The following ZBTB16 variants were observed in gnomAD, a reference collection of about 807,000 sequenced individuals.
ZBTB16 encodes the protein zinc finger and BTB domain-containing protein 16.
ZBTB16 carries 8 observed loss-of-function variants against 56.8 expected under a neutral mutation model. The observed-to-expected ratio is 0.14, with a 90% CI of 0.08 to 0.25. ZBTB16 has a LOEUF of 0.25. Among genes scored for constraint, ZBTB16 ranks in the 10% least tolerant of loss-of-function variants. The pLI is 1.00. For synonymous variants in ZBTB16, 363 were observed against 368.5 expected, an observed-to-expected ratio of 0.98 and a Z score of 0.17; for missense variants, 625 against 903.0, an observed-to-expected ratio of 0.69 and a Z score of 3.95.
chr11:114,095,620 T>C lies in ZBTB16; in HGVS notation c.1268+31052T>C, dbSNP rs916738281. ...AAAGAGACATGCAAACAAGGCAGAA[T>C]TGGGACCTTTGCAAGAAGACCTTCT... On this transcript the variant is annotated intron_variant, in intron 2 of 6. Transcript: ENST00000335953. 2.6e-5 allele frequency among the ~76,000 whole-genome samples: 4 copies of C among 152,316 alleles called. No individual in the cohort carries two copies. In the South Asian group the frequency reaches 8.3e-4, roughly 32 times the overall value.
chr11:114,163,515 T>A (rs1942654136), intron 3 of ZBTB16, among the ~76,000 whole-genome samples: 1 of 151,998 alleles, frequency 6.6e-6, no homozygotes, highest in African/African-American at 2.4e-5. Flanking sequence ...GGCAGATAAA[T>A]CCCCCACGTA....
rs915504933 is a variant in ZBTB16 at position 114,255,041 on chromosome 11, A to G, written c.*4486A>G. 2.6e-5 allele frequency among the ~76,000 whole-genome samples: 4 copies of G among 152,210 alleles called. No individual in the cohort carries two copies. The highest frequency in any genetic ancestry group is 6.5e-5 in the Admixed American group (1 of 15,286). Reference sequence around the variant, plus strand: ...AGGATTTGTTCACATAGTGTTATGCATGATCTTCGTAAGGTTAAGAAGCCG... The same window carrying G: ...AGGATTTGTTCACATAGTGTTATGCGTGATCTTCGTAAGGTTAAGAAGCCG... On this transcript the variant is annotated 3_prime_UTR_variant, in exon 7 of 7. Coordinates refer to ENST00000335953, the MANE Select transcript of ZBTB16 (RefSeq NM_006006.6).
intron 2 of ZBTB16, among the ~76,000 whole-genome samples, chr11:114,123,322 C>G (rs238898): frequency 0.086 from 13,013 of 152,086 alleles, 664 homozygotes; most frequent in African/African-American, 0.12. Flanking sequence ...TTGGCTCCCC[C>G]AGAAGGAGAC....
At chr11:114,100,422 C>A (rs1370494421) in intron 2 of ZBTB16, among the ~76,000 whole-genome samples, 5 of 152,162 alleles carry the variant, frequency 3.3e-5, no homozygotes, top group African/African-American at 9.7e-5. Context: ...TAAAAATATT[C>A]TTTCCTTACC....
At chr11:114,148,783 G>A (rs187951430) in intron 2 of ZBTB16, among the ~76,000 whole-genome samples, 8 of 151,990 alleles carry the variant, frequency 5.3e-5, no homozygotes, top group South Asian at 2.1e-4. Context: ...GTGAGCCACC[G>A]CGCCCGCCTG....
At chr11:114,089,469 A>G (rs1187690590) in intron 2 of ZBTB16, among the ~76,000 whole-genome samples, 1 of 151,696 alleles carries the variant, frequency 6.6e-6, no homozygotes, top group Non-Finnish European at 1.5e-5. Context: ...CTTTTTTTCT[A>G]CCCCAGTACC....
chr11:114,119,547 G>A (rs937158263), intron 2 of ZBTB16, among the ~76,000 whole-genome samples: 1 of 152,120 alleles, frequency 6.6e-6, no homozygotes, highest in Non-Finnish European at 1.5e-5. Context: ...AGTACGACAG[G>A]TGCTGTGTTT....
intron 3 of ZBTB16, among the ~76,000 whole-genome samples, chr11:114,186,690 G>A (rs367903659): frequency 6.6e-6 from 1 of 152,022 alleles, no homozygotes; most frequent in Admixed American, 6.6e-5. Flanking sequence ...ATCTAACTTG[G>A]AACCCATTTC....
At position 114,251,991 on chromosome 11, in the gene ZBTB16, A is replaced by T. The variant is rs943382643; in HGVS notation, c.*1436A>T. 1.3e-5 allele frequency among the ~76,000 whole-genome samples: 2 copies of T among 152,030 alleles called. No individual in the cohort carries two copies. Among genetic ancestry groups the T allele is most frequent in the African/African-American group, 4.8e-5 (2 of 41,370 alleles). On this transcript the variant is annotated 3_prime_UTR_variant, in exon 7 of 7. Coordinates refer to ENST00000335953, the MANE Select transcript of ZBTB16 (RefSeq NM_006006.6). The stretch of plus-strand genomic sequence containing the variant: ...CTTGTGTAAATTAATAGTTGTTTTT[A>T]TAGACTTCAGCTGGTCAAGACCCTC...
At chr11:114,192,916 C>G (rs959439588) in intron 4 of ZBTB16, among the ~76,000 whole-genome samples, 1 of 152,222 alleles carries the variant, frequency 6.6e-6, no homozygotes, top group Non-Finnish European at 1.5e-5. Flanking sequence ...CAGCTGCCCT[C>G]TCAGCCAGGG....
At chr11:114,141,109 A>T (rs1452697089) in intron 2 of ZBTB16, among the ~76,000 whole-genome samples, 1 of 152,164 alleles carries the variant, frequency 6.6e-6, no homozygotes. Context: ...CACTGTGGAT[A>T]AGCCAGGCCA....
At chr11:114,077,876 A>T (rs1163578139) in intron 2 of ZBTB16, among the ~76,000 whole-genome samples, 1 of 152,242 alleles carries the variant, frequency 6.6e-6, no homozygotes, top group Non-Finnish European at 1.5e-5. Context: ...TGCTATTTGC[A>T]TAAGAGGTTG....
chr11:114,194,723 CACAT>C (rs1336077288), intron 4 of ZBTB16, among the ~76,000 whole-genome samples: 1 of 152,226 alleles, frequency 6.6e-6, no homozygotes, highest in Admixed American at 6.5e-5. Flanking sequence ...TGAGAAAACA[CACAT>C]ACGTGCACGT....
At chr11:114,226,861 C>G (rs770650018) in intron 4 of ZBTB16, among the ~76,000 whole-genome samples, 1 of 152,136 alleles carries the variant, frequency 6.6e-6, no homozygotes, top group Non-Finnish European at 1.5e-5. Context: ...GGGCAATGTG[C>G]TCTTTTATTT....
chr11:114,081,711 G>T (rs1447514592), intron 2 of ZBTB16, among the ~76,000 whole-genome samples: 1 of 152,120 alleles, frequency 6.6e-6, no homozygotes, highest in Non-Finnish European at 1.5e-5. Context: ...ACATGAGTAG[G>T]ATATTAAAGG....
intron 4 of ZBTB16, among the ~76,000 whole-genome samples, chr11:114,205,895 A>T (rs995321891): frequency 6.6e-6 from 1 of 152,204 alleles, no homozygotes; most frequent in Non-Finnish European, 1.5e-5. Context: ...GAGGCTTTTG[A>T]CAAATGAATG....
chr11:114,063,790 G>C lies in ZBTB16; in HGVS notation c.490G>C (p.Glu164Gln), dbSNP rs372617173. The C allele has an allele frequency of 6.2e-7, 1 of 1,614,154 alleles. No homozygotes were observed. Among genetic ancestry groups the C allele is most frequent in the Non-Finnish European group, 8.5e-7 (1 of 1,180,038 alleles). ...CATCTTCATCTCGAAGCATTCCAGC[G>C]AGGAGAGTGGGTATGCCAGTGTGGC... ...KNIFISKHSS[E>Q]ESGYASVAGQ... is the part of the protein sequence containing the mutation. The change falls in exon 2 of 7, where the codon GAG (glutamate) becomes CAG (glutamine). Residue 164 changes from glutamate to glutamine, a missense_variant. By Grantham distance (29) the Glu-to-Gln change is conservative. Coordinates refer to ENST00000335953, the MANE Select transcript of ZBTB16 (RefSeq NM_006006.6). This position sits in a 1 kb window ranked among gnomAD's most constrained non-coding sequence, Gnocchi z 6.5.
intron 3 of ZBTB16, among the ~76,000 whole-genome samples, chr11:114,160,910 G>A (rs1017177011): frequency 3.9e-5 from 6 of 151,926 alleles, no homozygotes; most frequent in Admixed American, 3.3e-4. Context: ...TGACCTCCAA[G>A]GCTTTGCAAA....
chr11:114,230,645 G>GGGCGGA (rs1375612792), intron 4 of ZBTB16, among the ~76,000 whole-genome samples: 1 of 114,418 alleles, frequency 8.7e-6, no homozygotes, highest in Admixed American at 9.3e-5. Flanking sequence ...GGGGGGGCGG[G>GGGCGGA]AAGGAGAGGA....
Sources: allele counts gnomAD v4.1 joint callset (sites outside exome capture counted in the v4.1 genomes callset), GRCh38; gene constraint gnomAD v4.1.1; non-coding constraint Gnocchi (gnomAD v3.1); transcripts MANE v1.5; gene names NCBI Gene and HGNC (gene_info 2026-07-23, HGNC 2026-07-21).